The following DPP9 variants were observed in gnomAD, a reference collection of about 807,000 sequenced individuals.
DPP9 encodes the protein dipeptidyl peptidase IV-related protein-2.
A neutral mutation model predicts 110.7 loss-of-function variants in DPP9; 50 were observed. The ratio of observed to expected loss-of-function variants is 0.45; its 90% CI spans 0.36 to 0.57. The LOEUF is 0.57. Ranked by LOEUF, DPP9 falls within the 20% of genes least tolerant of loss-of-function variation. The pLI, the probability that DPP9 is intolerant of heterozygous loss-of-function variation, is 0.00. For synonymous variants in DPP9, 561 were observed against 514.4 expected (o/e 1.09, Z -1.23); for missense variants, 1,022 against 1,217.9 (o/e 0.84, Z 2.39).
chr19:4,687,998 G>A lies in DPP9; in HGVS notation c.1885+759C>T, dbSNP rs190550590. 3.9e-5 allele frequency among the ~76,000 whole-genome samples: 6 copies of A among 152,174 alleles called. No individual in the cohort carries two copies. In the East Asian group the frequency reaches 5.8e-4, roughly 15 times the overall value. ...TTTTTAGTAGAGATGGTGTTTCACC[G>A]TGTTAGCCAGGATGGTCTCGATCTC... On this transcript the variant is annotated intron_variant, in intron 16 of 21. Transcript: ENST00000262960. This position sits in a 1 kb window ranked among gnomAD's most constrained non-coding sequence, Gnocchi z 4.7.
chr19:4,682,613 G>A lies in DPP9; in HGVS notation c.2474+83C>T. 2 of 1,545,572 alleles carry A rather than the reference G, an allele frequency of 1.3e-6. No homozygotes were observed. Among genetic ancestry groups the A allele is most frequent in the African/African-American group, 1.4e-5 (1 of 73,528 alleles). On this transcript the variant is annotated intron_variant, in intron 20 of 21. Coordinates refer to ENST00000262960, the MANE Select transcript of DPP9 (RefSeq NM_139159.5). This position sits in a 1 kb window ranked among gnomAD's most constrained non-coding sequence, Gnocchi z 7.1. ...TCCCTGGGCAGGGCCAGCTGGGGCA[G>A]GAGGGCACCCTCATAGAGACAGCTG...
chr19:4,683,744 C>T, intron 18 of DPP9, 115 bp from the exon 19 acceptor site: 1 of 1,602,560 alleles, frequency 6.2e-7, no homozygotes, highest in Non-Finnish European at 8.5e-7. Flanking sequence ...AAGTGGCTCG[C>T]TGGAAGCCCC....
chr19:4,703,096 G>A (rs1408478345), intron 7 of DPP9, among the ~76,000 whole-genome samples: 1 of 150,854 alleles, frequency 6.6e-6, no homozygotes, highest in Admixed American at 6.6e-5. Flanking sequence ...GTGGGGCCCG[G>A]GCTTATGGGA....
chr19:4,682,804 A>G lies in DPP9; in HGVS notation c.2366T>C (p.Met789Thr), dbSNP rs768010788. The G allele has an allele frequency of 1.3e-6, 2 of 1,595,492 alleles. No individual in the cohort carries two copies. Among genetic ancestry groups the G allele is most frequent in the African/African-American group, 1.3e-5 (1 of 74,566 alleles). ...AIAGAPVTVW[M>T]AYDTGYTERY... Reference sequence around the variant, plus strand: ...CTCAGTGTACCCTGTGTCGTAGGCCATCCAGACGGTGACCGGGGCACCCGC... The same window carrying G: ...CTCAGTGTACCCTGTGTCGTAGGCCGTCCAGACGGTGACCGGGGCACCCGC... Residue 789 changes from methionine (M) to threonine (T), a missense_variant, in exon 20 of 22, where the codon ATG (methionine) becomes ACG (threonine). By Grantham distance (81) the Met-to-Thr change is moderately conservative. Transcript: ENST00000262960. The surrounding 1 kb of genome is among the most constrained non-coding windows in gnomAD (Gnocchi z 7.1).
intron 11 of DPP9, among the ~76,000 whole-genome samples, chr19:4,697,098 CA>C (rs991000616): frequency 3.0e-4 from 41 of 137,896 alleles, no homozygotes; most frequent in Middle Eastern, 3.8e-3. Context: ...GACTCCATCT[CA>C]AAAAAAAAAA....
intron 1 of DPP9, among the ~76,000 whole-genome samples, chr19:4,723,070 C>G (rs1256960235): frequency 6.6e-6 from 1 of 152,156 alleles, no homozygotes; most frequent in Non-Finnish European, 1.5e-5. Flanking sequence ...GACAGCTATG[C>G]TAACCACTAC....
Position 4,719,866 on chromosome 19 carries a change from G to A in DPP9, c.41C>T (p.Thr14Ile). The A allele has an allele frequency of 6.4e-7, 1 of 1,551,766 alleles. No homozygotes were observed. Among genetic ancestry groups the A allele is most frequent in the Non-Finnish European group, 8.7e-7 (1 of 1,147,012 alleles). ...CCAACCTCACCTTCTCCAACTTCCG[G>A]TGTTCTCCTTGTCCAGGCGCAGTTT... The part of the protein sequence containing the change: ...VKKLRLDKEN[T>I]GSWRSFSLNS... Residue 14 changes from threonine to isoleucine, a missense_variant, in exon 3 of 22, where the codon ACC becomes ATC. Thr to Ile is a moderately conservative substitution (Grantham distance 89). Around this residue, in one of 3 missense-constraint regions of DPP9, gnomAD observed 810 missense variants for 920.6 expected, o/e 0.88. Transcript: ENST00000262960.
chr19:4,683,664 C>T (rs2090246980), intron 18 of DPP9, 35 bp from the exon 19 acceptor site: 8 of 1,613,010 alleles, frequency 5.0e-6, no homozygotes, highest in East Asian at 2.2e-5. Context: ...TCAGTGGCCT[C>T]CTCCCGGTAT....
chr19:4,677,364 G>A (rs75090531), intron 21 of DPP9, among the ~76,000 whole-genome samples: 2,833 of 152,146 alleles, frequency 0.019, 50 homozygotes, highest in African/African-American at 0.044. Flanking sequence ...ATAACCCTAC[G>A]TTCTCCACAA....
chr19:4,676,696 G>T lies in DPP9; in HGVS notation c.2587-40C>A. On this transcript the variant is annotated intron_variant, in intron 21 of 21. Coordinates refer to ENST00000262960, the MANE Select transcript of DPP9 (RefSeq NM_139159.5). This position sits in a 1 kb window ranked among gnomAD's most constrained non-coding sequence, Gnocchi z 4.0. ...GAGGCAGGGCTGGGGGGCGTGGCCG[G>T]ACCACCCCCGTGTCCTAGGCTCCTC... 1 of 1,516,264 alleles carries T rather than the reference G, an allele frequency of 6.6e-7. No individual in the cohort carries two copies. Among genetic ancestry groups the T allele is most frequent in the South Asian group, 1.2e-5 (1 of 84,308 alleles). 93.9% of individuals were successfully genotyped at this position (1,516,264 alleles called of 1,614,324 possible).
rs1052489429 is a variant in DPP9 at position 4,693,838 on chromosome 19, C to A, written c.1516+823G>T. 6.6e-6 allele frequency among the ~76,000 whole-genome samples: 1 copy of A among 152,052 alleles called. No homozygotes were observed. Among genetic ancestry groups the A allele is most frequent in the Admixed American group, 6.6e-5 (1 of 15,260 alleles). On this transcript the variant is annotated intron_variant, in intron 13 of 21. Coordinates refer to ENST00000262960, the MANE Select transcript of DPP9 (RefSeq NM_139159.5). The surrounding 1 kb of genome is among the most constrained non-coding windows in gnomAD (Gnocchi z 5.0). ...CCCACCCTCTCCTCCCTCTCTCCCC[C>A]TCCTCCCTGTGCTCCAGCCACAGGG...
rs535069749 is a variant in DPP9 at position 4,713,001 on chromosome 19, G to A, written c.313+1080C>T. 7.9e-5 allele frequency among the ~76,000 whole-genome samples: 12 copies of A among 152,336 alleles called. No individual in the cohort carries two copies. In the South Asian group the frequency reaches 2.5e-3, roughly 32 times the overall value. On this transcript the variant is annotated intron_variant, in intron 4 of 21. Coordinates refer to ENST00000262960, the MANE Select transcript of DPP9 (RefSeq NM_139159.5). ...GTCCCATGGATGAGTGCAGCGGTCT[G>A]GACAAGGATCCCAGCGCCACCCCAC...
At position 4,702,540 on chromosome 19, in the gene DPP9, C is replaced by T. The variant is rs3746030; in HGVS notation, c.883+63G>A. ...AAAGGAGTAAGGCGCAGGAAGGACA[C>T]AGCCTGTGATTCCAGGAGGAAAAGC... On this transcript the variant is annotated intron_variant, in intron 8 of 21. Transcript: ENST00000262960. The T allele has an allele frequency of 9.2e-5, 118 of 1,280,440 alleles. No homozygotes were observed. The East Asian group carries it at 2.5e-3, about 27-fold the overall frequency. The allele number at this position is 1,280,440 out of a possible 1,614,324, so 79.3% of individuals were successfully genotyped here. A position where few individuals can be genotyped will look rare whatever the true frequency, so the allele number is the denominator to read the frequency against.
In DPP9 at chr19:4,694,325, T is replaced by C; in HGVS notation, c.1516+336A>G. Reference sequence around the variant, plus strand: ...ACCACAGACAGTCTCTGTAAACAAGTGGCTGTGGCTCAGTGCCAATAAAAC... The same window carrying C: ...ACCACAGACAGTCTCTGTAAACAAGCGGCTGTGGCTCAGTGCCAATAAAAC... On this transcript the variant is annotated intron_variant, in intron 13 of 21. Coordinates refer to ENST00000262960, the MANE Select transcript of DPP9 (RefSeq NM_139159.5). This position sits in a 1 kb window ranked among gnomAD's most constrained non-coding sequence, Gnocchi z 4.0. 1 of 457,412 alleles carries C rather than the reference T, an allele frequency of 2.2e-6. No individual in the cohort carries two copies. The allele number at this position is 457,412 out of a possible 1,614,324, so 28.3% of individuals were successfully genotyped here.
At chr19:4,716,133 G>C (rs72977995) in intron 3 of DPP9, 1 of 152,272 alleles carries the variant, frequency 6.6e-6, no homozygotes, top group African/African-American at 2.4e-5. Context: ...GGGAAAACCC[G>C]CGGGAGTGGA....
Position 4,689,681 on chromosome 19 carries a change from G to A in DPP9, c.1638C>T (p.Gly546=). The stretch of plus-strand genomic sequence containing the variant: ...GGTGCTCCAGCGGCGTGTCCTTGGT[G>A]CCCTGGAAGTACACCAGCTTGGTCT... The part of the protein sequence containing the change: ...NEETKLVYFQ[G]TKDTPLEHHL... The change falls in exon 15 of 22, where the codon GGC becomes GGT. Residue 546 remains glycine, a synonymous_variant. Coordinates refer to ENST00000262960, the MANE Select transcript of DPP9 (RefSeq NM_139159.5). The surrounding 1 kb of genome is among the most constrained non-coding windows in gnomAD (Gnocchi z 7.0). 1.3e-6 allele frequency: 2 copies of A among 1,557,960 alleles called. No individual in the cohort carries two copies. Among genetic ancestry groups the A allele is most frequent in the Non-Finnish European group, 1.7e-6 (2 of 1,150,558 alleles).
chr19:4,686,173 C>T (rs898410890), intron 16 of DPP9, among the ~76,000 whole-genome samples: 5 of 151,846 alleles, frequency 3.3e-5, no homozygotes, highest in African/African-American at 7.3e-5. Flanking sequence ...CTGCAACCTC[C>T]GCCTTCCTGG....
In DPP9 at chr19:4,689,772, C is replaced by CCA. The variant is rs1229982823; in HGVS notation, c.1597-52_1597-51dup. 2.6e-6 allele frequency: 4 copies of CCA among 1,510,898 alleles called. No individual in the cohort carries two copies. The African/African-American group carries it at 5.6e-5, about 21-fold the overall frequency. The allele number at this position is 1,510,898 out of a possible 1,614,324, so 93.6% of individuals were successfully genotyped here. ...TGATGCGTCCCAGATGCCCCTGGGC[C>CCA]CACACCCCTCTCCACGCCCCACAGG... On this transcript the variant is annotated intron_variant, in intron 14 of 21. Coordinates refer to ENST00000262960, the MANE Select transcript of DPP9 (RefSeq NM_139159.5). This position sits in a 1 kb window ranked among gnomAD's most constrained non-coding sequence, Gnocchi z 7.0.
rs529431877 is a variant in DPP9 at position 4,709,064 on chromosome 19, CACA to C, written c.314-3097_314-3095del. On this transcript the variant is annotated intron_variant, in intron 4 of 21. Transcript: ENST00000262960. ...TCCCGAGTAGCTGGGATTACAGGAG[CACA>C]ACACCACACCCGGCTAATTTTTTGT... 1.9e-3 allele frequency among the ~76,000 whole-genome samples: 282 copies of C among 152,230 alleles called. 2 individuals carry two copies. The highest frequency in any genetic ancestry group is 0.013 in the South Asian group (62 of 4,810).
Sources: allele counts gnomAD v4.1 joint callset (sites outside exome capture counted in the v4.1 genomes callset), GRCh38; gene constraint gnomAD v4.1.1; regional missense constraint gnomAD v4.1.1; non-coding constraint Gnocchi (gnomAD v3.1); transcripts MANE v1.5; gene names NCBI Gene and HGNC (gene_info 2026-07-23, HGNC 2026-07-21).